Variants in LMTK2 observed in about 807,000 individuals in gnomAD.
LMTK2 encodes the protein lemur tail kinase 2.
A neutral mutation model predicts 127.5 loss-of-function variants in LMTK2; 37 were observed. The ratio of observed to expected loss-of-function variants is 0.29; its 90% CI spans 0.22 to 0.38. The LOEUF is 0.38. Among genes scored for constraint, LMTK2 ranks in the 10% least tolerant of loss-of-function variants. LMTK2 has a pLI of 1.00. For missense variants in LMTK2, 1,694 were observed against 1,920.3 expected (o/e 0.88, Z 2.20); for synonymous variants, 819 against 810.1 (o/e 1.01, Z -0.19).
intron 3 of LMTK2, among the ~76,000 whole-genome samples, chr7:98,142,805 A>G (rs1217312935): frequency 6.6e-6 from 1 of 152,206 alleles, no homozygotes; most frequent in Non-Finnish European, 1.5e-5. Context: ...CAGCATTTTA[A>G]TTCATTTCTG....
intron 1 of LMTK2, among the ~76,000 whole-genome samples, chr7:98,121,832 C>T (rs956060161): frequency 7.9e-5 from 12 of 151,884 alleles, no homozygotes; most frequent in Admixed American, 2.0e-4. Context: ...AAGACCTCGA[C>T]GCTACAAAAA....
At chr7:98,169,922 C>T (rs566310355) in intron 6 of LMTK2, among the ~76,000 whole-genome samples, 4 of 152,196 alleles carry the variant, frequency 2.6e-5, no homozygotes, top group Admixed American at 6.5e-5. Context: ...GCCAGGTGCA[C>T]GGCACCGAGG....
intron 1 of LMTK2, among the ~76,000 whole-genome samples, chr7:98,115,005 A>T (rs1796257096): frequency 6.6e-6 from 1 of 152,134 alleles, no homozygotes; most frequent in African/African-American, 2.4e-5. Context: ...ATTGGAACTG[A>T]TGTTTATTCT....
intron 6 of LMTK2, among the ~76,000 whole-genome samples, chr7:98,165,351 G>T (rs1377573718): frequency 6.6e-6 from 1 of 152,238 alleles, no homozygotes; most frequent in African/African-American, 2.4e-5. Context: ...CGAGAGAGGG[G>T]AAGGGACTGG....
At chr7:98,185,272 A>G in intron 8 of LMTK2, 137 bp downstream of exon 8, 1 of 628,498 alleles carries the variant, frequency 1.6e-6, no homozygotes, top group Non-Finnish European at 2.8e-6. Flanking sequence ...AGTCATTTTA[A>G]TGTGGTCTAG....
rs746464126 is a variant in LMTK2 at position 98,205,544 on chromosome 7, C to A, written c.*52C>A. 3 of 1,592,502 alleles carry A rather than the reference C, an allele frequency of 1.9e-6. No homozygotes were observed. Among genetic ancestry groups the A allele is most frequent in the Non-Finnish European group, 1.7e-6 (2 of 1,166,348 alleles). The stretch of plus-strand genomic sequence containing the variant: ...CCGAGGCTGCTCCCCTGGAGCGGCG[C>A]CCCTGCGCCCTCAGCCCGAGCAGCG... On this transcript the variant is annotated 3_prime_UTR_variant, in exon 14 of 14. Transcript: ENST00000297293.
chr7:98,187,457 G>A (rs913773004), intron 9 of LMTK2, among the ~76,000 whole-genome samples: 1 of 151,222 alleles, frequency 6.6e-6, no homozygotes, highest in African/African-American at 2.4e-5. Flanking sequence ...TTTATGTGCT[G>A]TTGTCCTGCT....
intron 7 of LMTK2, among the ~76,000 whole-genome samples, chr7:98,182,063 G>T (rs1404030593): frequency 3.9e-5 from 6 of 152,188 alleles, no homozygotes; most frequent in Middle Eastern, 3.4e-3. Flanking sequence ...AAAAAATGAA[G>T]TTGAACCCTT....
chr7:98,126,818 G>A (rs1796451824), intron 1 of LMTK2: 1 of 152,192 alleles, frequency 6.6e-6, no homozygotes, highest in African/African-American at 2.4e-5. Context: ...CAGTTGGGCT[G>A]GCTGACCTTG....
chr7:98,142,114 T>C (rs1027824133), intron 3 of LMTK2, among the ~76,000 whole-genome samples: 1 of 152,252 alleles, frequency 6.6e-6, no homozygotes, highest in Non-Finnish European at 1.5e-5. Flanking sequence ...ATTCTTATTC[T>C]GTGATTAAAA....
chr7:98,129,860 T>C (rs1222189823), intron 1 of LMTK2, among the ~76,000 whole-genome samples: 1 of 152,116 alleles, frequency 6.6e-6, no homozygotes, highest in African/African-American at 2.4e-5. Flanking sequence ...TGGGGAGTCA[T>C]TGGTGGATTA....
In LMTK2 at chr7:98,205,768, C is replaced by T. The variant is rs905496301; in HGVS notation, c.*276C>T. ...CAGGCAGTGCTCATGCGCTGGCCGT[C>T]GGGGGAGGCAGGGGCACAGCCTCCA... On this transcript the variant is annotated 3_prime_UTR_variant, in exon 14 of 14. Transcript: ENST00000297293. The T allele has an allele frequency of 3.7e-6, 2 of 536,500 alleles. No homozygotes were observed. Among genetic ancestry groups the T allele is most frequent in the African/African-American group, 1.9e-5 (1 of 52,346 alleles). 33.2% of individuals were successfully genotyped at this position (536,500 alleles called of 1,614,324 possible).
At chr7:98,177,915 C>T (rs183797561) in intron 7 of LMTK2, among the ~76,000 whole-genome samples, 12 of 152,332 alleles carry the variant, frequency 7.9e-5, no homozygotes, top group African/African-American at 2.9e-4. Flanking sequence ...TGGTACGTCT[C>T]CATCCCATCT....
intron 7 of LMTK2, among the ~76,000 whole-genome samples, chr7:98,183,385 G>A (rs1797382041): frequency 6.6e-6 from 1 of 152,030 alleles, no homozygotes; most frequent in East Asian, 1.9e-4. Flanking sequence ...TGGAATTTCA[G>A]GTGTGTATTT....
chr7:98,185,184 A>T (rs1797415288), intron 8 of LMTK2, 49 bp downstream of exon 8: 2 of 1,321,762 alleles, frequency 1.5e-6, no homozygotes, highest in Non-Finnish European at 2.2e-6. Context: ...TTGAATTGTG[A>T]AGTTGTAATG....
At position 98,141,471 on chromosome 7, in the gene LMTK2, A is replaced by C; in HGVS notation, c.306A>C (p.Pro102=). The stretch of plus-strand genomic sequence containing the variant: ...AAGACACTCCCTCTGTTCAGTCCCC[A>C]GCAGAGGTCTTCACACTTTCAGTAC... ...PAEDTPSVQS[P]AEVFTLSVPN... Residue 102 remains proline, a synonymous_variant, in exon 3 of 14, where the codon CCA becomes CCC. Coordinates refer to ENST00000297293, the MANE Select transcript of LMTK2 (RefSeq NM_014916.4). 6.2e-7 allele frequency: 1 copy of C among 1,613,850 alleles called. No homozygotes were observed. Among genetic ancestry groups the C allele is most frequent in the African/African-American group, 1.3e-5 (1 of 75,056 alleles).
chr7:98,193,828 G>C lies in LMTK2; in HGVS notation c.3363G>C (p.Pro1121=). ...CCGAGAAAAGGTCTGAGGAGGTCCC[G>C]GGAACCTCCCCATCCGCCTTGGTGT... is the stretch of plus-strand genomic sequence containing the variant. The part of the protein sequence containing the change: ...SEPEKRSEEV[P]GTSPSALVLV... Residue 1121 remains proline (P), a synonymous_variant, in exon 11 of 14, where the codon CCG becomes CCC. Coordinates refer to ENST00000297293, the MANE Select transcript of LMTK2 (RefSeq NM_014916.4). The surrounding 1 kb of genome is among the most constrained non-coding windows in gnomAD (Gnocchi z 4.1). 6.2e-7 allele frequency: 1 copy of C among 1,613,918 alleles called. No homozygotes were observed. Among genetic ancestry groups the C allele is most frequent in the Non-Finnish European group, 8.5e-7 (1 of 1,179,988 alleles).
At chr7:98,187,754 A>G (rs1393768527) in intron 9 of LMTK2, among the ~76,000 whole-genome samples, 3 of 151,894 alleles carry the variant, frequency 2.0e-5, no homozygotes, top group South Asian at 2.1e-4. Flanking sequence ...GGGATTACCA[A>G]TATGTACTAC....
At chr7:98,176,610 C>T (rs1338936882) in intron 7 of LMTK2, among the ~76,000 whole-genome samples, 3 of 152,056 alleles carry the variant, frequency 2.0e-5, no homozygotes, top group African/African-American at 4.8e-5. Flanking sequence ...TTTGGGAGGC[C>T]GAGGTGGGCA....
Sources: allele counts gnomAD v4.1 joint callset (sites outside exome capture counted in the v4.1 genomes callset), GRCh38; gene constraint gnomAD v4.1.1; non-coding constraint Gnocchi (gnomAD v3.1); transcripts MANE v1.5; gene names NCBI Gene and HGNC (gene_info 2026-07-23, HGNC 2026-07-21).